PCDHGA7: variants seen among roughly 807,000 people sequenced by gnomAD.
PCDHGA7 encodes the protein protocadherin gamma subfamily A, 7.
Under a neutral mutation model 58.3 loss-of-function variants are expected in PCDHGA7, and 44 were observed. That is an observed-to-expected ratio of 0.75 (90% CI 0.59 to 0.97). The LOEUF (loss-of-function observed/expected upper bound fraction) is 0.97, where lower values mean the gene tolerates loss of function less well. PCDHGA7 is among the 50% of genes least tolerant of loss of function. The pLI, the probability that PCDHGA7 is intolerant of heterozygous loss-of-function variation, is 0.00. For missense variants in PCDHGA7, 1,266 were observed against 1,188.7 expected, an observed-to-expected ratio of 1.06 and a Z score of -0.96; for synonymous variants, 516 against 504.2, an observed-to-expected ratio of 1.02 and a Z score of -0.31.
At chr5:141,470,648 C>T (rs1188305813) in intron 1 of PCDHGA7, among the ~76,000 whole-genome samples, 1 of 152,066 alleles carries the variant, frequency 6.6e-6, no homozygotes, top group Non-Finnish European at 1.5e-5. Context: ...TTTGAAGGCC[C>T]CTACCCTTTG....
chr5:141,386,441 T>C (rs908191919), intron 1 of PCDHGA7, among the ~76,000 whole-genome samples: 3 of 152,152 alleles, frequency 2.0e-5, no homozygotes, highest in African/African-American at 7.2e-5. Context: ...CATGGGAGGC[T>C]GAGGCAAGAG....
chr5:141,394,761 G>A, intron 1 of PCDHGA7: 1 of 1,613,428 alleles, frequency 6.2e-7, no homozygotes, highest in South Asian at 1.1e-5. Context: ...CCAGGACCAT[G>A]GCCAGCCCCC....
chr5:141,423,437 C>CACGT (rs766166209), intron 1 of PCDHGA7: 1 of 1,613,952 alleles, frequency 6.2e-7, no homozygotes, highest in Non-Finnish European at 8.5e-7. Context: ...GCAGGTATGC[C>CACGT]CACGTCACAT....
At chr5:141,411,567 G>A (rs1390794685) in intron 1 of PCDHGA7, 1 of 152,186 alleles carries the variant, frequency 6.6e-6, no homozygotes, top group Non-Finnish European at 1.5e-5. Context: ...CTGGGCGACA[G>A]AGTGCGACCC....
rs948872903 is a variant in PCDHGA7 at position 141,385,135 on chromosome 5, G to A, written c.2236G>A (p.Val746Met). The change falls in exon 1 of 4, where the codon GTG (valine) becomes ATG (methionine). Residue 746 changes from valine to methionine, a missense_variant. Physicochemically the swap from Val to Met is conservative, Grantham distance 21. Coordinates refer to ENST00000518325, the MANE Select transcript of PCDHGA7 (RefSeq NM_018920.4). ...CTCGCACTTTGTGGGCATGGACGGG[G>A]TGCAGGCTTTCCTGCAGACCTATTC... ...PTSHFVGMDG[V>M]QAFLQTYSHE... is the part of the protein sequence containing the mutation. 6.2e-7 allele frequency: 1 copy of A among 1,614,214 alleles called. No homozygotes were observed. Among genetic ancestry groups the A allele is most frequent in the Admixed American group, 1.7e-5 (1 of 60,030 alleles).
chr5:141,490,412 C>T lies in PCDHGA7; in HGVS notation c.2425-4395C>T, dbSNP rs2233605. 10 of 1,614,062 alleles carry T rather than the reference C, an allele frequency of 6.2e-6. No homozygotes were observed. The highest frequency in any genetic ancestry group is 4.0e-5 in the African/African-American group (3 of 74,910). Reference sequence around the variant, plus strand: ...GGTGAAGTGAGCCTTGATATCTCTCCGGACCTGCCATTTCAGATTAAGCCT... The same window carrying T: ...GGTGAAGTGAGCCTTGATATCTCTCTGGACCTGCCATTTCAGATTAAGCCT... On this transcript the variant is annotated intron_variant, in intron 1 of 3. Transcript: ENST00000518325. This position sits in a 1 kb window ranked among gnomAD's most constrained non-coding sequence, Gnocchi z 5.4.
At chr5:141,500,721 ATG>A (rs1209024560) in intron 2 of PCDHGA7, among the ~76,000 whole-genome samples, 1 of 152,088 alleles carries the variant, frequency 6.6e-6, no homozygotes, top group African/African-American at 2.4e-5. Context: ...GAATTTCCCC[ATG>A]TCTTTCAAAA....
rs756144117 is a variant in PCDHGA7, at chr5:141,485,181, G to A, written c.2425-9626G>A. On this transcript the variant is annotated intron_variant, in intron 1 of 3. Transcript: ENST00000518325. This position sits in a 1 kb window ranked among gnomAD's most constrained non-coding sequence, Gnocchi z 5.7. ...AATTAGCGGGCGGCAGCAATGCTCC[G>A]CAAGGTGAGAAGCTGGACAGAAATC... 3.1e-6 allele frequency: 5 copies of A among 1,612,942 alleles called. No individual in the cohort carries two copies. The South Asian group carries it at 4.4e-5, about 14-fold the overall frequency.
At chr5:141,438,883 C>T (rs1026043786) in intron 1 of PCDHGA7, among the ~76,000 whole-genome samples, 4 of 151,728 alleles carry the variant, frequency 2.6e-5, no homozygotes, top group Non-Finnish European at 5.9e-5. Context: ...CCAGGCTGCT[C>T]TTGAACTCCT....
At chr5:141,391,576 T>A (rs1172672552) in intron 1 of PCDHGA7, 1 of 152,236 alleles carries the variant, frequency 6.6e-6, no homozygotes, top group Non-Finnish European at 1.5e-5. Flanking sequence ...AGAAAATATA[T>A]TCACAGGAAA....
At chr5:141,478,788 T>A (rs576491824) in intron 1 of PCDHGA7, 147 of 1,473,736 alleles carry the variant, frequency 1.0e-4, no homozygotes, top group Non-Finnish European at 1.3e-4. Context: ...CTAATTCACA[T>A]CCTCAGCACT....
At position 141,419,228 on chromosome 5, in the gene PCDHGA7, T is replaced by G. The variant is rs761014077; in HGVS notation, c.2424+33905T>G. The G allele has an allele frequency of 2.5e-6, 4 of 1,613,874 alleles. No individual in the cohort carries two copies. The East Asian group carries it at 8.9e-5, about 36-fold the overall frequency. On this transcript the variant is annotated intron_variant, in intron 1 of 3. Coordinates refer to ENST00000518325, the MANE Select transcript of PCDHGA7 (RefSeq NM_018920.4). Reference sequence around the variant, plus strand: ...CGCGCCGGTTTTCGGACAGTCAGCCTACCTGGTCCACGTGCCAGAAAACAA... The same window carrying G: ...CGCGCCGGTTTTCGGACAGTCAGCCGACCTGGTCCACGTGCCAGAAAACAA...
intron 1 of PCDHGA7, chr5:141,478,920 CCAGTGG>C: frequency 2.7e-6 from 2 of 728,392 alleles, no homozygotes; most frequent in South Asian, 4.5e-5. Flanking sequence ...ATACCTCTAA[CCAGTGG>C]CAGCTTCTAG....
intron 1 of PCDHGA7, chr5:141,413,762 C>A: frequency 1.2e-6 from 2 of 1,612,894 alleles, no homozygotes; most frequent in Non-Finnish European, 8.5e-7. Flanking sequence ...GTCAAGTACC[C>A]GGAGCTGGTA....
At position 141,431,871 on chromosome 5, in the gene PCDHGA7, T is replaced by C; in HGVS notation, c.2424+46548T>C. The C allele has an allele frequency of 1.9e-6, 3 of 1,614,234 alleles. No homozygotes were observed. The highest frequency in any genetic ancestry group is 2.5e-6 in the Non-Finnish European group (3 of 1,180,032). The stretch of plus-strand genomic sequence containing the variant: ...GGGACATTAATTGCCCTTTTAAATG[T>C]AAATGACCAAGATTCTGAGGAAAAC... On this transcript the variant is annotated intron_variant, in intron 1 of 3. Coordinates refer to ENST00000518325, the MANE Select transcript of PCDHGA7 (RefSeq NM_018920.4). The surrounding 1 kb of genome is among the most constrained non-coding windows in gnomAD (Gnocchi z 4.8).
At position 141,432,952 on chromosome 5, in the gene PCDHGA7, C is replaced by G. The variant is rs2097553312; in HGVS notation, c.2424+47629C>G. ...GCCTGCTGCAGGCTTCAGGAGGCGGCTTGACAGGAGCGCCGGCGTCGCACT... is the reference window on the plus strand; with the variant it reads ...GCCTGCTGCAGGCTTCAGGAGGCGGGTTGACAGGAGCGCCGGCGTCGCACT... On this transcript the variant is annotated intron_variant, in intron 1 of 3. Transcript: ENST00000518325. The surrounding 1 kb of genome is among the most constrained non-coding windows in gnomAD (Gnocchi z 6.0). 1 of 1,614,086 alleles carries G rather than the reference C, an allele frequency of 6.2e-7. No individual in the cohort carries two copies. Among genetic ancestry groups the G allele is most frequent in the South Asian group, 1.1e-5 (1 of 91,090 alleles).
rs191844335 is a variant in PCDHGA7 at position 141,394,289 on chromosome 5, C to A, written c.2424+8966C>A. ...ATGCCCAGGTCACTTACTCTGTGAC[C>A]GAGGACACGCTGCAGGGGGCGCCCC... On this transcript the variant is annotated intron_variant, in intron 1 of 3. Coordinates refer to ENST00000518325, the MANE Select transcript of PCDHGA7 (RefSeq NM_018920.4). The A allele has an allele frequency of 3.8e-5, 61 of 1,613,954 alleles. 1 individual carries two copies. In the African/African-American group the frequency reaches 6.0e-4, roughly 16 times the overall value.
At chr5:141,430,149 C>T (rs1051033560) in intron 1 of PCDHGA7, among the ~76,000 whole-genome samples, 4 of 151,968 alleles carry the variant, frequency 2.6e-5, no homozygotes, top group African/African-American at 9.7e-5. Flanking sequence ...CAGGATCATT[C>T]AAGGAATCTA....
intron 1 of PCDHGA7, chr5:141,395,033 T>G: frequency 6.2e-7 from 1 of 1,614,140 alleles, no homozygotes; most frequent in Non-Finnish European, 8.5e-7. Context: ...CCTCACATTT[T>G]GTGGGTGTTG....
Sources: allele counts gnomAD v4.1 joint callset (sites outside exome capture counted in the v4.1 genomes callset), GRCh38; gene constraint gnomAD v4.1.1; non-coding constraint Gnocchi (gnomAD v3.1); transcripts MANE v1.5; gene names NCBI Gene and HGNC (gene_info 2026-07-23, HGNC 2026-07-21).